Variants in GRIN2B observed in about 807,000 individuals in gnomAD.
GRIN2B encodes glutamate receptor ionotropic, NMDA 2B.
GRIN2B carries 5 observed loss-of-function variants against 114.5 expected under a neutral mutation model. The ratio of observed to expected loss-of-function variants is 0.04; its 90% CI spans 0.02 to 0.09. GRIN2B has a LOEUF of 0.09. Ranked by LOEUF, GRIN2B falls within the 10% of genes least tolerant of loss-of-function variation. The probability of loss-of-function intolerance (pLI) is 1.00; values close to 1 mark genes in which losing one functional copy is unlikely to be tolerated. For synonymous variants in GRIN2B, 787 were observed against 745.1 expected, an observed-to-expected ratio of 1.06 and a Z score of -0.92; for missense variants, 1,108 against 1,943.5, an observed-to-expected ratio of 0.57 and a Z score of 8.08.
intron 4 of GRIN2B, among the ~76,000 whole-genome samples, chr12:13,750,183 G>C (rs1863457840): frequency 1.3e-5 from 2 of 152,174 alleles, no homozygotes; most frequent in South Asian, 4.1e-4. Context: ...CTGAGGAATT[G>C]ATGAATAATA....
chr12:13,635,124 T>C (rs1949656259), intron 5 of GRIN2B, among the ~76,000 whole-genome samples: 1 of 152,074 alleles, frequency 6.6e-6, no homozygotes, highest in Admixed American at 6.6e-5. Context: ...CAACAGAGGG[T>C]CCAGTAAGGC....
intron 12 of GRIN2B, among the ~76,000 whole-genome samples, chr12:13,569,215 G>A (rs1948677086): frequency 6.6e-6 from 1 of 152,134 alleles, no homozygotes; most frequent in South Asian, 2.1e-4. Flanking sequence ...GTTATGGGTT[G>A]AAAGATGTTA....
chr12:13,789,101 A>G (rs1381573317), intron 3 of GRIN2B, among the ~76,000 whole-genome samples: 2 of 152,044 alleles, frequency 1.3e-5, no homozygotes, highest in Non-Finnish European at 2.9e-5. Flanking sequence ...ACACTTAAAA[A>G]CCTCATTAAA....
At chr12:13,751,808 A>G (rs1173967463) in intron 4 of GRIN2B, among the ~76,000 whole-genome samples, 2 of 152,190 alleles carry the variant, frequency 1.3e-5, no homozygotes, top group East Asian at 1.9e-4. Flanking sequence ...CATTAATTGT[A>G]TCCTTGGGAA....
At chr12:13,710,766 A>G (rs967588917) in intron 4 of GRIN2B, among the ~76,000 whole-genome samples, 10 of 152,222 alleles carry the variant, frequency 6.6e-5, no homozygotes, top group African/African-American at 2.4e-4. Context: ...GCTCATGGGT[A>G]GGAAGAATCA....
chr12:13,848,798 G>A (rs1045428711), intron 3 of GRIN2B, among the ~76,000 whole-genome samples: 3 of 152,258 alleles, frequency 2.0e-5, no homozygotes, highest in Non-Finnish European at 4.4e-5. Flanking sequence ...ATACACCAAC[G>A]TGAGAGAAAG....
chr12:13,899,919 C>T (rs944226116), intron 2 of GRIN2B, among the ~76,000 whole-genome samples: 2 of 152,136 alleles, frequency 1.3e-5, no homozygotes, highest in African/African-American at 2.4e-5. Context: ...AGCTGTATAA[C>T]AGCCTTATAT....
At chr12:13,622,067 G>A (rs12308316) in intron 5 of GRIN2B, among the ~76,000 whole-genome samples, 2 of 152,182 alleles carry the variant, frequency 1.3e-5, no homozygotes, top group African/African-American at 4.8e-5. Flanking sequence ...TCCTTGCATA[G>A]ATTAGCAAAG....
At chr12:13,861,661 C>T (rs985576823) in intron 3 of GRIN2B, among the ~76,000 whole-genome samples, 1 of 152,186 alleles carries the variant, frequency 6.6e-6, no homozygotes, top group African/African-American at 2.4e-5. Context: ...GGCTTCCATA[C>T]TACTTGTGAG....
chr12:13,907,332 A>G (rs1866555428), intron 2 of GRIN2B, among the ~76,000 whole-genome samples: 2 of 152,064 alleles, frequency 1.3e-5, no homozygotes, highest in African/African-American at 2.4e-5. Context: ...TCTACTAACA[A>G]TACAAAAATT....
intron 10 of GRIN2B, among the ~76,000 whole-genome samples, chr12:13,594,126 A>G (rs567066204): frequency 2.6e-5 from 4 of 152,334 alleles, no homozygotes; most frequent in South Asian, 2.1e-4. Context: ...CAATTCCTCA[A>G]GGATCTAGAA....
intron 10 of GRIN2B, among the ~76,000 whole-genome samples, chr12:13,576,011 T>C (rs2136420877): frequency 6.6e-6 from 1 of 152,366 alleles, no homozygotes. Flanking sequence ...AAAATTCTTA[T>C]TCTCTAATTT....
At chr12:13,714,503 AAGG>A (rs1315268623) in intron 4 of GRIN2B, among the ~76,000 whole-genome samples, 6 of 151,866 alleles carry the variant, frequency 4.0e-5, no homozygotes, top group Non-Finnish European at 7.4e-5. Context: ...ACTTTTTAAA[AAGG>A]AGGTCATATC....
At chr12:13,673,055 G>A (rs1254423521) in intron 5 of GRIN2B, among the ~76,000 whole-genome samples, 1 of 152,152 alleles carries the variant, frequency 6.6e-6, no homozygotes, top group Non-Finnish European at 1.5e-5. Context: ...CCCTTTGGAA[G>A]CTTGCATATG....
chr12:13,903,832 CATT>C (rs1417128345), intron 2 of GRIN2B, among the ~76,000 whole-genome samples: 2 of 151,916 alleles, frequency 1.3e-5, no homozygotes, highest in Non-Finnish European at 2.9e-5. Flanking sequence ...TTTTATTTCT[CATT>C]ATACAACTGT....
At chr12:13,846,936 G>A (rs1865482459) in intron 3 of GRIN2B, among the ~76,000 whole-genome samples, 1 of 152,082 alleles carries the variant, frequency 6.6e-6, no homozygotes, top group Non-Finnish European at 1.5e-5. Flanking sequence ...AGGAGCGAGA[G>A]AGAAAGAGAA....
At chr12:13,947,187 G>A (rs1289244370) in intron 2 of GRIN2B, among the ~76,000 whole-genome samples, 1 of 152,180 alleles carries the variant, frequency 6.6e-6, no homozygotes, top group Admixed American at 6.5e-5. Flanking sequence ...CTGTGTTGCA[G>A]AACTTCTCAA....
chr12:13,704,335 C>A (rs1950339558), intron 4 of GRIN2B, among the ~76,000 whole-genome samples: 1 of 152,082 alleles, frequency 6.6e-6, no homozygotes, highest in African/African-American at 2.4e-5. Context: ...AGGGCATGGG[C>A]TGATGAAAGG....
At chr12:13,582,469 G>A (rs1045085447) in intron 10 of GRIN2B, among the ~76,000 whole-genome samples, 24 of 152,168 alleles carry the variant, frequency 1.6e-4, no homozygotes, top group African/African-American at 5.8e-4. Flanking sequence ...CATATAATAA[G>A]CATTCAACAC....
Sources: allele counts gnomAD v4.1 joint callset (sites outside exome capture counted in the v4.1 genomes callset), GRCh38; gene constraint gnomAD v4.1.1; transcripts MANE v1.5; gene names NCBI Gene and HGNC (gene_info 2026-07-23, HGNC 2026-07-21).